Variants in PCDHGB3 observed in about 807,000 individuals in gnomAD.
The protein encoded by PCDHGB3 is protocadherin gamma-B3.
Under a neutral mutation model 59.2 loss-of-function variants are expected in PCDHGB3, and 40 were observed. That is an observed-to-expected ratio of 0.68 (90% CI 0.52 to 0.88). The LOEUF is 0.88. Among genes scored for constraint, PCDHGB3 ranks in the 40% least tolerant of loss-of-function variants. PCDHGB3 has a pLI of 0.00. For missense variants in PCDHGB3, 1,309 were observed against 1,187.9 expected, an observed-to-expected ratio of 1.10 and a Z score of -1.50; for synonymous variants, 581 against 503.6, an observed-to-expected ratio of 1.15 and a Z score of -2.06.
rs1485520054 is a variant in PCDHGB3 at position 141,511,210 on chromosome 5, C to T, written c.*37C>T. 6.2e-7 allele frequency: 1 copy of T among 1,609,328 alleles called. No individual in the cohort carries two copies. The highest frequency in any genetic ancestry group is 1.3e-5 in the African/African-American group (1 of 74,896). ...GGCCAAGAGCCACAGGGCGGCCTCT[C>T]CCCAACCAGCCCAGCTTCTCCTTAC... On this transcript the variant is annotated 3_prime_UTR_variant, in exon 4 of 4. Transcript: ENST00000576222.
At chr5:141,505,913 T>C (rs1457583355) in intron 3 of PCDHGB3, among the ~76,000 whole-genome samples, 1 of 152,098 alleles carries the variant, frequency 6.6e-6, no homozygotes, top group African/African-American at 2.4e-5. Context: ...AAGCATAGAG[T>C]TCTGGGCCTG....
At position 141,388,041 on chromosome 5, in the gene PCDHGB3, G is replaced by C. The variant is rs2091214564; in HGVS notation, c.2415+15232G>C. The C allele has an allele frequency of 2.1e-6, 3 of 1,416,086 alleles. No homozygotes were observed. The African/African-American group carries it at 4.3e-5, about 20-fold the overall frequency. The allele number at this position is 1,416,086 out of a possible 1,614,324, so 87.7% of individuals were successfully genotyped here. ...CTCCGTAGTGGGGAACCTCGCCACG[G>C]ACCTGGGGTTCAGCGTCCAGGAGTT... On this transcript the variant is annotated intron_variant, in intron 1 of 3. Transcript: ENST00000576222.
At chr5:141,437,013 A>G (rs570721163) in intron 1 of PCDHGB3, among the ~76,000 whole-genome samples, 146 of 152,354 alleles carry the variant, frequency 9.6e-4, no homozygotes, top group Non-Finnish European at 1.2e-3. Flanking sequence ...ATCTTAGATA[A>G]TTTCACCAGA....
Position 141,431,697 on chromosome 5 carries a change from G to A in PCDHGB3, c.2415+58888G>A. The A allele has an allele frequency of 6.2e-7, 1 of 1,614,206 alleles. No homozygotes were observed. Among genetic ancestry groups the A allele is most frequent in the South Asian group, 1.1e-5 (1 of 91,084 alleles). On this transcript the variant is annotated intron_variant, in intron 1 of 3. Transcript: ENST00000576222. This position sits in a 1 kb window ranked among gnomAD's most constrained non-coding sequence, Gnocchi z 4.8. Reference sequence around the variant, plus strand: ...GGGGAGTTGGACCACGAGGAGTCAGGATTCTACCAGATGGAAGTGCAAGCA... The same window carrying A: ...GGGGAGTTGGACCACGAGGAGTCAGAATTCTACCAGATGGAAGTGCAAGCA...
intron 1 of PCDHGB3, among the ~76,000 whole-genome samples, chr5:141,451,106 G>A (rs1204327490): frequency 1.3e-5 from 2 of 152,164 alleles, no homozygotes; most frequent in African/African-American, 4.8e-5. Context: ...GGGATTACAG[G>A]CGTGAGCCAC....
chr5:141,476,062 A>G lies in PCDHGB3; in HGVS notation c.2416-18745A>G, dbSNP rs2099384587. On this transcript the variant is annotated intron_variant, in intron 1 of 3. Coordinates refer to ENST00000576222, the MANE Select transcript of PCDHGB3 (RefSeq NM_018924.5). This position sits in a 1 kb window ranked among gnomAD's most constrained non-coding sequence, Gnocchi z 7.6. ...AGCGCTAACCCGCTGAAAGTTTCTC[A>G]GCGAAATCTCAGGGACGATCTGGAC... The G allele has an allele frequency of 1.8e-5, 27 of 1,509,766 alleles. No individual in the cohort carries two copies. Among genetic ancestry groups the G allele is most frequent in the Non-Finnish European group, 2.3e-5 (26 of 1,136,920 alleles). The allele number at this position is 1,509,766 out of a possible 1,614,324, so 93.5% of individuals were successfully genotyped here.
intron 1 of PCDHGB3, among the ~76,000 whole-genome samples, chr5:141,402,419 A>T: frequency 6.6e-6 from 1 of 152,100 alleles, no homozygotes; most frequent in Middle Eastern, 3.2e-3. Flanking sequence ...ACACAGAAAA[A>T]ATTGAAGCAT....
chr5:141,426,431 A>G (rs916399837), intron 1 of PCDHGB3: 1 of 297,328 alleles, frequency 3.4e-6, no homozygotes, highest in Non-Finnish European at 6.7e-6. Context: ...GTGGTGGGGA[A>G]CCTTGCGGAG....
Position 141,510,938 on chromosome 5 carries a change from T to A in PCDHGB3, c.2564-9T>A. 1 of 1,614,026 alleles carries A rather than the reference T, an allele frequency of 6.2e-7. No homozygotes were observed. Among genetic ancestry groups the A allele is most frequent in the Non-Finnish European group, 8.5e-7 (1 of 1,179,984 alleles). ...TTAGCTCCCACCTGATCTTCCTCTG[T>A]CTCTGCAGAAGCTGCTGATGGGAGC... On this transcript the variant is annotated splice_polypyrimidine_tract_variant and intron_variant, in intron 3 of 3. Coordinates refer to ENST00000576222, the MANE Select transcript of PCDHGB3 (RefSeq NM_018924.5).
At chr5:141,419,877 C>T in intron 1 of PCDHGB3, 3 of 1,614,062 alleles carry the variant, frequency 1.9e-6, no homozygotes, top group Non-Finnish European at 8.5e-7. Flanking sequence ...GAGGTACTGC[C>T]GGATTTCAGC....
At chr5:141,397,920 T>C (rs2093586320) in intron 1 of PCDHGB3, 1 of 726,984 alleles carries the variant, frequency 1.4e-6, no homozygotes, top group Non-Finnish European at 2.2e-6. Context: ...CCAGATCTCC[T>C]CGCGCAGCCG....
intron 3 of PCDHGB3, among the ~76,000 whole-genome samples, chr5:141,506,320 G>A (rs1054880362): frequency 8.6e-5 from 13 of 151,966 alleles, no homozygotes; most frequent in South Asian, 8.3e-4. Flanking sequence ...ATGGTGGTGC[G>A]TGCCTGTAGT....
chr5:141,408,184 G>A, intron 1 of PCDHGB3: 1 of 1,541,100 alleles, frequency 6.5e-7, no homozygotes, highest in Non-Finnish European at 8.8e-7. Flanking sequence ...CGGGGACCCA[G>A]CGAGAACCCG....
At chr5:141,400,799 G>A in intron 1 of PCDHGB3, 1 of 553,494 alleles carries the variant, frequency 1.8e-6, no homozygotes, top group Non-Finnish European at 3.2e-6. Context: ...CTTTCTCAAA[G>A]CTAATGAATT....
At chr5:141,445,575 G>A (rs571896159) in intron 1 of PCDHGB3, among the ~76,000 whole-genome samples, 18 of 152,262 alleles carry the variant, frequency 1.2e-4, no homozygotes, top group African/African-American at 4.3e-4. Flanking sequence ...CTTATAGTAG[G>A]GAAGCTTCGC....
Position 141,444,152 on chromosome 5 carries a change from ATTTTTTTTTTTTTTTTT to A in PCDHGB3, c.2416-50635_2416-50619del, listed in dbSNP as rs747671382. Among the ~76,000 whole-genome samples, 167 of 33,906 alleles carry A rather than the reference ATTTTTTTTTTTTTTTTT, an allele frequency of 4.9e-3. 1 individual carries two copies. The highest frequency in any genetic ancestry group is 7.0e-3 in the Non-Finnish European group (136 of 19,318). The allele number at this position is 33,906 out of a possible 152,430, so 22.2% of individuals were successfully genotyped here. A position where few individuals can be genotyped will look rare whatever the true frequency, so the allele number is the denominator to read the frequency against. On this transcript the variant is annotated intron_variant, in intron 1 of 3. Coordinates refer to ENST00000576222, the MANE Select transcript of PCDHGB3 (RefSeq NM_018924.5). ...GATATGTGTCACTTGTGTGTACTGG[ATTTTTTTTTTTTTTTTT>A]TTTTTTTTTTTTTTTTTTTGAGATG...
chr5:141,436,040 C>T (rs989038133), intron 1 of PCDHGB3, among the ~76,000 whole-genome samples: 1 of 152,060 alleles, frequency 6.6e-6, no homozygotes, highest in African/African-American at 2.4e-5. Context: ...TTTGTATTTA[C>T]ATTAGTTTTC....
At chr5:141,410,492 T>C in intron 1 of PCDHGB3, 2 of 1,613,912 alleles carry the variant, frequency 1.2e-6, no homozygotes, top group Non-Finnish European at 1.7e-6. Flanking sequence ...TACAAAAGAG[T>C]TTAATTTCCT....
At chr5:141,500,488 C>A (rs569168291) in intron 2 of PCDHGB3, among the ~76,000 whole-genome samples, 2 of 152,060 alleles carry the variant, frequency 1.3e-5, no homozygotes, top group East Asian at 3.9e-4. Flanking sequence ...GGATTACAGG[C>A]GTGAGCCACC....
Sources: allele counts gnomAD v4.1 joint callset (sites outside exome capture counted in the v4.1 genomes callset), GRCh38; gene constraint gnomAD v4.1.1; non-coding constraint Gnocchi (gnomAD v3.1); transcripts MANE v1.5; gene names NCBI Gene and HGNC (gene_info 2026-07-23, HGNC 2026-07-21).